MEGF11: variants seen among roughly 807,000 people sequenced by gnomAD.
MEGF11 encodes the protein multiple epidermal growth factor-like domains protein 11.
Under a neutral mutation model 146.6 loss-of-function variants are expected in MEGF11, and 126 were observed. That is an observed-to-expected ratio of 0.86 (90% CI 0.74 to 1.00). The LOEUF is 1.00. MEGF11 is among the 50% of genes least tolerant of loss of function. The pLI is 0.00. For synonymous variants in MEGF11, 532 were observed against 583.4 expected (o/e 0.91, Z 1.27); for missense variants, 1,509 against 1,521.2 (o/e 0.99, Z 0.13).
chr15:66,215,477 G>A (rs1190883342), intron 1 of MEGF11, among the ~76,000 whole-genome samples: 10 of 152,148 alleles, frequency 6.6e-5, no homozygotes, highest in African/African-American at 2.4e-4. Context: ...AAGCAGAGCT[G>A]CATAGATCAC....
chr15:65,970,253 G>A (rs1247067400), intron 8 of MEGF11, among the ~76,000 whole-genome samples: 4 of 152,214 alleles, frequency 2.6e-5, no homozygotes, highest in Non-Finnish European at 5.9e-5. Flanking sequence ...GATTATCTGT[G>A]CCATTGCCTC....
At chr15:66,168,942 C>T (rs536486691) in intron 1 of MEGF11, among the ~76,000 whole-genome samples, 4 of 152,276 alleles carry the variant, frequency 2.6e-5, no homozygotes, top group African/African-American at 4.8e-5. Flanking sequence ...GAGCCAGGAT[C>T]GTGCCATTGC....
chr15:66,225,340 GAGTGGCAATAAA>G (rs2091829803), intron 1 of MEGF11, among the ~76,000 whole-genome samples: 1 of 152,202 alleles, frequency 6.6e-6, no homozygotes. Context: ...TTTTGCCTAA[GAGTGGCAATAAA>G]AACCAGCTCT....
chr15:66,199,809 CA>C (rs1358169729), intron 1 of MEGF11, among the ~76,000 whole-genome samples: 1 of 151,382 alleles, frequency 6.6e-6, no homozygotes, highest in Admixed American at 6.6e-5. Flanking sequence ...AACAAACAAA[CA>C]AAAAAAGATA....
chr15:66,132,940 C>T (rs2088713777), intron 1 of MEGF11, among the ~76,000 whole-genome samples: 3 of 152,082 alleles, frequency 2.0e-5, no homozygotes, highest in African/African-American at 4.8e-5. Context: ...AAGAGCATTG[C>T]CTGCACATAC....
rs77990888 is a variant in MEGF11 at position 65,944,141 on chromosome 15, G to T, written c.1288-13198C>A. Among the ~76,000 whole-genome samples, 1,440 of 152,312 alleles carry T rather than the reference G, an allele frequency of 9.5e-3. 15 individuals carry two copies. Among genetic ancestry groups the T allele is most frequent in the Non-Finnish European group, 0.016 (1,092 of 68,040 alleles). ...AGGGGACTGTGCCGGGCTTGGATAG[G>T]CTGGGGGTTAGGAGGTGGCAGGGTG... On this transcript the variant is annotated intron_variant, in intron 10 of 25. Transcript: ENST00000395614.
At chr15:66,080,086 C>T (rs745421011) in intron 5 of MEGF11, among the ~76,000 whole-genome samples, 51 of 152,184 alleles carry the variant, frequency 3.4e-4, no homozygotes, top group Non-Finnish European at 1.6e-4. Context: ...CAGCCAAGGG[C>T]GGAGAGATGG....
intron 5 of MEGF11, among the ~76,000 whole-genome samples, chr15:66,022,360 C>T (rs2083175867): frequency 6.6e-6 from 1 of 152,262 alleles, no homozygotes; most frequent in Non-Finnish European, 1.5e-5. Flanking sequence ...CCTCAGGCAG[C>T]TGTGCTTTGA....
intron 2 of MEGF11, among the ~76,000 whole-genome samples, chr15:66,127,424 G>A (rs1321835580): frequency 1.3e-5 from 2 of 152,182 alleles, no homozygotes; most frequent in Non-Finnish European, 2.9e-5. Context: ...GCCTGGCTGA[G>A]GTGCCTTTCC....
intron 5 of MEGF11, among the ~76,000 whole-genome samples, chr15:66,074,964 T>G (rs1309796917): frequency 3.3e-5 from 5 of 152,204 alleles, no homozygotes; most frequent in African/African-American, 1.2e-4. Context: ...AAGTACATGT[T>G]TATGTTCTTC....
At chr15:66,251,802 CT>C (rs913711173) in intron 1 of MEGF11, among the ~76,000 whole-genome samples, 5 of 152,356 alleles carry the variant, frequency 3.3e-5, no homozygotes, top group African/African-American at 7.2e-5. Context: ...GTTTGCTGAT[CT>C]GTGAGTGGGA....
At chr15:66,199,094 G>T (rs2091085370) in intron 1 of MEGF11, among the ~76,000 whole-genome samples, 1 of 152,020 alleles carries the variant, frequency 6.6e-6, no homozygotes, top group Non-Finnish European at 1.5e-5. Context: ...TTGATAGCAG[G>T]TGTTCTCCAA....
intron 1 of MEGF11, among the ~76,000 whole-genome samples, chr15:66,148,720 A>G (rs1463047142): frequency 6.6e-6 from 1 of 152,144 alleles, no homozygotes; most frequent in Non-Finnish European, 1.5e-5. Flanking sequence ...CCAGCTGTTG[A>G]CAAGCACAGG....
In MEGF11 at chr15:66,201,400, T is replaced by C. The variant is rs2091153887; in HGVS notation, c.-9+52205A>G. ...AGTTGCTCTCAGAAGATTGTTGGGG[T>C]AGGGAGGGATTGACACAGGGTAGGA... is the stretch of plus-strand genomic sequence containing the variant. On this transcript the variant is annotated intron_variant, in intron 1 of 25. Transcript: ENST00000395614. Among the ~76,000 whole-genome samples the C allele has an allele frequency of 5.9e-5, 9 of 151,446 alleles. No homozygotes were observed. In the South Asian group the frequency reaches 1.9e-3, roughly 32 times the overall value.
At position 65,895,808 on chromosome 15, in the gene MEGF11, G is replaced by A. The variant is rs75774952; in HGVS notation, c.*2126C>T. 11,882 of 152,272 alleles carry A rather than the reference G, an allele frequency of 0.078. 487 individuals are homozygous for A. The highest frequency in any genetic ancestry group is 0.1 in the South Asian group (504 of 4,824). 9.4% of individuals were successfully genotyped at this position (152,272 alleles called of 1,614,324 possible). ...CTGCTTCTCCCCTTTTTATGCATAG[G>A]AAAAAAGGGAGCCCAGAGAGGGCGA... On this transcript the variant is annotated 3_prime_UTR_variant, in exon 26 of 26. Coordinates refer to ENST00000395614, the MANE Select transcript of MEGF11 (RefSeq NM_001385028.1).
intron 24 of MEGF11, among the ~76,000 whole-genome samples, chr15:65,899,495 A>G (rs983121819): frequency 6.6e-6 from 1 of 152,196 alleles, no homozygotes; most frequent in African/African-American, 2.4e-5. Flanking sequence ...GGTACGTGCC[A>G]CCACACCTGA....
chr15:66,031,412 C>A (rs2083514405), intron 5 of MEGF11, among the ~76,000 whole-genome samples: 1 of 152,190 alleles, frequency 6.6e-6, no homozygotes, highest in African/African-American at 2.4e-5. Flanking sequence ...TTGAGGTCTT[C>A]CTGGCAAATG....
rs187591906 is a variant in MEGF11, at chr15:65,904,997, A to G, written c.3055+1088T>C. On this transcript the variant is annotated intron_variant, in intron 24 of 25. Coordinates refer to ENST00000395614, the MANE Select transcript of MEGF11 (RefSeq NM_001385028.1). ...AACCTTTGCCTCCCGGCTTCAAGCA[A>G]TTCTTGTGCCTCAGCCTCCCAAGTA... is the stretch of plus-strand genomic sequence containing the variant. Among the ~76,000 whole-genome samples, 3 of 152,318 alleles carry G rather than the reference A, an allele frequency of 2.0e-5. No individual in the cohort carries two copies. The East Asian group carries it at 5.8e-4, about 29-fold the overall frequency.
At chr15:66,019,534 T>C (rs1046566413) in intron 5 of MEGF11, among the ~76,000 whole-genome samples, 1 of 152,192 alleles carries the variant, frequency 6.6e-6, no homozygotes, top group Non-Finnish European at 1.5e-5. Context: ...AGCACAAGCC[T>C]CTCCTCCAGG....
Sources: allele counts gnomAD v4.1 joint callset (sites outside exome capture counted in the v4.1 genomes callset), GRCh38; gene constraint gnomAD v4.1.1; transcripts MANE v1.5; gene names NCBI Gene and HGNC (gene_info 2026-07-23, HGNC 2026-07-21).